Variants in MCCC1 observed in about 807,000 individuals in gnomAD.
MCCC1 encodes methylcrotonoyl-CoA carboxylase subunit alpha, mitochondrial.
In MCCC1, 64 loss-of-function variants were observed where a neutral mutation model predicts 83.8. The ratio of observed to expected loss-of-function variants is 0.76; its 90% CI spans 0.62 to 0.94. The LOEUF (loss-of-function observed/expected upper bound fraction) is 0.94. Ranked by LOEUF, MCCC1 falls within the 40% of genes least tolerant of loss-of-function variation. The pLI, the probability that MCCC1 is intolerant of heterozygous loss-of-function variation, is 0.00. For synonymous variants in MCCC1, 322 were observed against 315.4 expected, an observed-to-expected ratio of 1.02 and a Z score of -0.22; for missense variants, 807 against 904.7, an observed-to-expected ratio of 0.89 and a Z score of 1.39.
chr3:183,052,331 G>C, intron 8 of MCCC1, 91 bp from the exon 9 acceptor site: 1 of 1,128,214 alleles, frequency 8.9e-7, no homozygotes, highest in Non-Finnish European at 1.3e-6. Flanking sequence ...GCCACATAAT[G>C]ACGTTTCTTA....
At position 183,017,484 on chromosome 3, in the gene MCCC1, A is replaced by C. The variant is rs1240854828; in HGVS notation, c.1978-147T>G. ...TGAATATAAACAATAAAACATAAAT[A>C]AAAAGAAAAAAAACAACACAGAGGT... On this transcript the variant is annotated intron_variant, in intron 17 of 18. Coordinates refer to ENST00000265594, the MANE Select transcript of MCCC1 (RefSeq NM_020166.5). 4.0e-6 allele frequency: 3 copies of C among 745,452 alleles called. No individual in the cohort carries two copies. The African/African-American group carries it at 5.3e-5, about 13-fold the overall frequency. 46.2% of individuals were successfully genotyped at this position (745,452 alleles called of 1,614,324 possible).
Position 183,071,024 on chromosome 3 carries a change from T to C in MCCC1, c.736A>G (p.Ile246Val), listed in dbSNP as rs1411570346. 32 of 1,614,072 alleles carry C rather than the reference T, an allele frequency of 2.0e-5. No homozygotes were observed. The highest frequency in any genetic ancestry group is 2.6e-5 in the Non-Finnish European group (31 of 1,180,022). ...CTCGGTGTGTCTACAAACTTCTCGA[T>C]CAGCATAGCATCATCATTGAAAGAC... ...KKSFNDDAML[I>V]EKFVDTPRHV... The change falls in exon 7 of 19, where the codon ATC becomes GTC. Residue 246 changes from isoleucine to valine, a missense_variant. Transcript: ENST00000265594.
chr3:183,058,824 C>A (rs1018851615), intron 7 of MCCC1, among the ~76,000 whole-genome samples: 36 of 152,076 alleles, frequency 2.4e-4, no homozygotes, highest in Non-Finnish European at 4.0e-4. Flanking sequence ...CACCTATTTA[C>A]CACCATAATA....
rs917840608 is a variant in MCCC1, at chr3:183,092,610, T to C, written c.137-65A>G. On this transcript the variant is annotated intron_variant, in intron 2 of 18. Transcript: ENST00000265594. ...GGAGAGCAAAGAATGAGAATGAGAA[T>C]ACGATCTTAACTGGCTGATAAGGAC... is the stretch of plus-strand genomic sequence containing the variant. 125 of 1,601,650 alleles carry C rather than the reference T, an allele frequency of 7.8e-5. No homozygotes were observed. The East Asian group carries it at 2.6e-3, about 34-fold the overall frequency.
intron 8 of MCCC1, among the ~76,000 whole-genome samples, chr3:183,053,949 C>T (rs1048542723): frequency 7.2e-6 from 1 of 139,600 alleles, no homozygotes; most frequent in African/African-American, 2.7e-5. Flanking sequence ...ATGATCTCGG[C>T]TCATTGCAAC....
chr3:183,016,935 T>C (rs1036198002), intron 18 of MCCC1: 1 of 375,742 alleles, frequency 2.7e-6, no homozygotes, highest in African/African-American at 2.1e-5. Flanking sequence ...ATACCAACAG[T>C]TAACATTCCA....
intron 8 of MCCC1, among the ~76,000 whole-genome samples, chr3:183,056,428 G>C (rs1195592742): frequency 6.6e-6 from 1 of 152,042 alleles, no homozygotes; most frequent in Non-Finnish European, 1.5e-5. Context: ...TCCAAAAATA[G>C]GTAGTCCTAG....
At chr3:183,062,702 T>G (rs551426941) in intron 7 of MCCC1, among the ~76,000 whole-genome samples, 2 of 152,290 alleles carry the variant, frequency 1.3e-5, no homozygotes, top group East Asian at 3.9e-4. Flanking sequence ...TGGCTGCTTA[T>G]AAGGGAAGTT....
chr3:183,054,938 C>G (rs1715295992), intron 8 of MCCC1, among the ~76,000 whole-genome samples: 1 of 152,172 alleles, frequency 6.6e-6, no homozygotes, highest in Non-Finnish European at 1.5e-5. Context: ...GAGCAATGGG[C>G]TCTACCAGCA....
At chr3:183,045,826 C>G (rs1163609189) in intron 9 of MCCC1, among the ~76,000 whole-genome samples, 1 of 152,110 alleles carries the variant, frequency 6.6e-6, no homozygotes, top group Non-Finnish European at 1.5e-5. Context: ...AAGGGTGGAC[C>G]ACATGTTACT....
intron 1 of MCCC1, among the ~76,000 whole-genome samples, chr3:183,110,546 A>C (rs1198866432): frequency 6.6e-6 from 1 of 152,036 alleles, no homozygotes; most frequent in Admixed American, 6.5e-5. Flanking sequence ...GGCGCCCGCC[A>C]CTACGCCTGG....
rs957691128 is a variant in MCCC1 at position 183,015,660 on chromosome 3, T to G, written c.2050-94A>C. On this transcript the variant is annotated intron_variant, in intron 18 of 18. Transcript: ENST00000265594. ...AGAAAGGGAGACCAAAAATGAAAAC[T>G]GTAGCCAACTTTGATGTTTTGTCAT... 2.0e-6 allele frequency: 3 copies of G among 1,470,478 alleles called. No individual in the cohort carries two copies. The African/African-American group carries it at 4.2e-5, about 20-fold the overall frequency. The allele number at this position is 1,470,478 out of a possible 1,614,324, so 91.1% of individuals were successfully genotyped here.
intron 1 of MCCC1, among the ~76,000 whole-genome samples, chr3:183,105,131 T>C (rs1190375523): frequency 6.6e-6 from 1 of 152,184 alleles, no homozygotes; most frequent in African/African-American, 2.4e-5. Flanking sequence ...ACTCACCTGA[T>C]GTTGGGAGTT....
chr3:183,015,401 G>C lies in MCCC1; in HGVS notation c.*37C>G, dbSNP rs775186381. ...GCACTTCCTCTTTTTGGTGGAGAGA[G>C]AAGACACTACTTAACTGGCCATTTC... On this transcript the variant is annotated 3_prime_UTR_variant, in exon 19 of 19. Coordinates refer to ENST00000265594, the MANE Select transcript of MCCC1 (RefSeq NM_020166.5). 3 of 1,613,148 alleles carry C rather than the reference G, an allele frequency of 1.9e-6. No homozygotes were observed. In the South Asian group the frequency reaches 3.3e-5, roughly 18 times the overall value.
chr3:183,069,567 T>C (rs530586476), intron 7 of MCCC1, among the ~76,000 whole-genome samples: 20 of 152,244 alleles, frequency 1.3e-4, no homozygotes, highest in African/African-American at 4.8e-4. Context: ...AAAAACAATT[T>C]GGGGGTCTTC....
intron 9 of MCCC1, among the ~76,000 whole-genome samples, chr3:183,050,773 T>C (rs930990310): frequency 1.3e-5 from 2 of 151,178 alleles, no homozygotes; most frequent in African/African-American, 4.9e-5. Context: ...CTGACAGTGT[T>C]TGCAAAGGCA....
At chr3:183,030,790 G>T (rs113784151) in intron 14 of MCCC1, among the ~76,000 whole-genome samples, 11 of 152,128 alleles carry the variant, frequency 7.2e-5, no homozygotes, top group African/African-American at 2.7e-4. Context: ...ACATCACTTG[G>T]CATATCTATT....
chr3:183,025,293 A>C (rs1712496663), intron 15 of MCCC1, among the ~76,000 whole-genome samples: 3 of 152,262 alleles, frequency 2.0e-5, no homozygotes, highest in African/African-American at 7.2e-5. Flanking sequence ...TAAATTCTAC[A>C]TTATGTGTAT....
intron 15 of MCCC1, among the ~76,000 whole-genome samples, chr3:183,023,977 G>A (rs1712369681): frequency 2.0e-5 from 3 of 152,190 alleles, no homozygotes; most frequent in East Asian, 1.9e-4. Flanking sequence ...AAGGCCAGGC[G>A]TGGTGGCTCA....
Sources: allele counts gnomAD v4.1 joint callset (sites outside exome capture counted in the v4.1 genomes callset), GRCh38; gene constraint gnomAD v4.1.1; transcripts MANE v1.5; gene names NCBI Gene and HGNC (gene_info 2026-07-23, HGNC 2026-07-21).